The following PARP15 variants were observed in gnomAD, a reference collection of about 807,000 sequenced individuals.
PARP15 encodes the protein protein mono-ADP-ribosyltransferase PARP15.
A neutral mutation model predicts 62.1 loss-of-function variants in PARP15; 50 were observed. That is an observed-to-expected ratio of 0.81 (90% CI 0.64 to 1.02). The LOEUF is 1.02. Ranked by LOEUF, PARP15 falls within the 50% of genes least tolerant of loss-of-function variation. The pLI, the probability that PARP15 is intolerant of heterozygous loss-of-function variation, is 0.00. For synonymous variants in PARP15, 309 were observed against 293.1 expected (o/e 1.05, Z -0.55); for missense variants, 820 against 826.5 (o/e 0.99, Z 0.10).
intron 1 of PARP15, among the ~76,000 whole-genome samples, chr3:122,587,865 G>A (rs1933567962): frequency 6.6e-6 from 1 of 152,134 alleles, no homozygotes; most frequent in Admixed American, 6.5e-5. Flanking sequence ...ATGACATTGT[G>A]CATCTTTTCA....
intron 1 of PARP15, among the ~76,000 whole-genome samples, chr3:122,590,341 C>T (rs946169353): frequency 1.2e-4 from 18 of 151,556 alleles, no homozygotes; most frequent in Non-Finnish European, 2.5e-4. Context: ...GGCATGATCT[C>T]GGCTCACTGC....
At chr3:122,618,774 G>A (rs912595475) in intron 6 of PARP15, among the ~76,000 whole-genome samples, 3 of 152,086 alleles carry the variant, frequency 2.0e-5, no homozygotes, top group Non-Finnish European at 4.4e-5. Flanking sequence ...ACCAAACATC[G>A]AGTGCCCAGC....
chr3:122,591,253 G>C (rs1933883976), intron 1 of PARP15, among the ~76,000 whole-genome samples: 1 of 152,174 alleles, frequency 6.6e-6, no homozygotes, highest in South Asian at 2.1e-4. Context: ...CTTTCCAGAA[G>C]AGTGGATAAA....
rs1280255466 is a variant in PARP15 at position 122,577,798 on chromosome 3, C to G, written c.131C>G (p.Pro44Arg). Residue 44 changes from proline to arginine, a missense_variant, in exon 1 of 12, where the codon CCG (proline) becomes CGG (arginine). Around this residue, in one of 3 missense-constraint regions of PARP15, gnomAD observed 731 missense variants for 727.7 expected, o/e 1.00. Transcript: ENST00000464300. ...GRDREAGSVL[P>R]AGNRGARKAS... ...GATCGGGAGGCGGGGAGCGTGCTGC[C>G]GGCCGGGAACCGTGGGGCGCGGAAG... The G allele has an allele frequency of 2.8e-5, 44 of 1,550,828 alleles. No individual in the cohort carries two copies. Among genetic ancestry groups the G allele is most frequent in the Admixed American group, 7.9e-5 (4 of 50,944 alleles).
intron 8 of PARP15, among the ~76,000 whole-genome samples, chr3:122,625,825 T>C (rs1559988670): frequency 1.3e-5 from 2 of 152,192 alleles, no homozygotes; most frequent in South Asian, 2.1e-4. Flanking sequence ...CCTAGCTAAC[T>C]TCAAGAGGGA....
Position 122,596,354 on chromosome 3 carries a change from C to CAAAA in PARP15, c.187-9559_187-9556dup, listed in dbSNP as rs35559014. 8.1e-4 allele frequency among the ~76,000 whole-genome samples: 38 copies of CAAAA among 46,914 alleles called. 1 individual carries two copies. The highest frequency in any genetic ancestry group is 1.1e-3 in the Non-Finnish European group (29 of 27,012). The allele number at this position is 46,914 out of a possible 152,430, so 30.8% of individuals were successfully genotyped here. ...CTGGCAACAGAGCGAGACTCCATCT[C>CAAAA]AAAAAAAAAAAAAAAAAAAAAAAAA... On this transcript the variant is annotated intron_variant, in intron 1 of 11. Coordinates refer to ENST00000464300, the MANE Select transcript of PARP15 (RefSeq NM_001113523.3).
chr3:122,588,164 T>C (rs1933601881), intron 1 of PARP15, among the ~76,000 whole-genome samples: 1 of 152,154 alleles, frequency 6.6e-6, no homozygotes, highest in Non-Finnish European at 1.5e-5. Flanking sequence ...TTATAGTTGA[T>C]CATGTTAGTG....
chr3:122,626,691 A>G (rs765696426), intron 8 of PARP15, 136 bp from the exon 9 acceptor site: 62 of 713,816 alleles, frequency 8.7e-5, no homozygotes, highest in Admixed American at 1.5e-4. Flanking sequence ...AAGAACACCA[A>G]CTAGCTGTGA....
intron 10 of PARP15, among the ~76,000 whole-genome samples, chr3:122,634,238 C>T (rs1233670937): frequency 2.6e-5 from 4 of 152,178 alleles, no homozygotes; most frequent in Non-Finnish European, 5.9e-5. Context: ...ATTTTCATAG[C>T]CCCTTGTGTG....
At chr3:122,634,934 A>T in intron 10 of PARP15, 86 bp from the exon 11 acceptor site, 1 of 1,329,698 alleles carries the variant, frequency 7.5e-7, no homozygotes, top group Non-Finnish European at 1.0e-6. Context: ...CTTCTTTTTC[A>T]TATTGCTTAT....
At position 122,636,195 on chromosome 3, in the gene PARP15, T is replaced by C. The variant is rs1937363964; in HGVS notation, c.*95T>C. On this transcript the variant is annotated 3_prime_UTR_variant, in exon 12 of 12. Coordinates refer to ENST00000464300, the MANE Select transcript of PARP15 (RefSeq NM_001113523.3). ...TCTGGCCTGTGTAAGCAGATGAAAG[T>C]TTCCCTTTTAGGTGCCAAAATGCTG... is the stretch of plus-strand genomic sequence containing the variant. 1.5e-6 allele frequency: 2 copies of C among 1,322,376 alleles called. No individual in the cohort carries two copies. Among genetic ancestry groups the C allele is most frequent in the Non-Finnish European group, 2.0e-6 (2 of 977,194 alleles). 81.9% of individuals were successfully genotyped at this position (1,322,376 alleles called of 1,614,324 possible).
chr3:122,604,623 G>A (rs1464583890), intron 1 of PARP15, among the ~76,000 whole-genome samples: 1 of 152,128 alleles, frequency 6.6e-6, no homozygotes. Context: ...GGGAGGCTGA[G>A]GCGGGCAGAT....
rs1273657532 is a variant in PARP15 at position 122,636,134 on chromosome 3, C to T, written c.*34C>T. 2 of 1,566,336 alleles carry T rather than the reference C, an allele frequency of 1.3e-6. No individual in the cohort carries two copies. The highest frequency in any genetic ancestry group is 1.7e-6 in the Non-Finnish European group (2 of 1,147,220). Reference sequence around the variant, plus strand: ...TTATCATCAAAGAGATGATTTAAGTCATCTGTAAGAACAACATGCAATCTT... The same window carrying T: ...TTATCATCAAAGAGATGATTTAAGTTATCTGTAAGAACAACATGCAATCTT... On this transcript the variant is annotated 3_prime_UTR_variant, in exon 12 of 12. Coordinates refer to ENST00000464300, the MANE Select transcript of PARP15 (RefSeq NM_001113523.3).
At chr3:122,624,111 A>G (rs1936531761) in intron 8 of PARP15, among the ~76,000 whole-genome samples, 1 of 151,922 alleles carries the variant, frequency 6.6e-6, no homozygotes, top group Non-Finnish European at 1.5e-5. Context: ...AGATTGCACC[A>G]CTGCACTCCA....
intron 1 of PARP15, chr3:122,594,837 A>G (rs1934210515): frequency 1.0e-6 from 1 of 983,082 alleles, no homozygotes; most frequent in Non-Finnish European, 1.2e-6. Context: ...GACAACAACC[A>G]TTAAGATTGA....
At chr3:122,584,682 A>T (rs13093470) in intron 1 of PARP15, among the ~76,000 whole-genome samples, 18,994 of 149,510 alleles carry the variant, frequency 0.13, 1,287 homozygotes, top group East Asian at 0.22. Context: ...GGTTCAGGCG[A>T]TTCTCCTGCT....
intron 8 of PARP15, among the ~76,000 whole-genome samples, chr3:122,624,730 C>T (rs1336639626): frequency 2.6e-5 from 4 of 152,176 alleles, no homozygotes; most frequent in East Asian, 1.9e-4. Flanking sequence ...AACATTTATG[C>T]GATACAGCTA....
rs138406025 is a variant in PARP15 at position 122,604,984 on chromosome 3, C to T, written c.187-952C>T. On this transcript the variant is annotated intron_variant, in intron 1 of 11. Coordinates refer to ENST00000464300, the MANE Select transcript of PARP15 (RefSeq NM_001113523.3). ...CCGGGAGGCAGAGGTTGCAGTGAGC[C>T]GAGATCACGCTACTTCACTGCAGCC... Among the ~76,000 whole-genome samples, 908 of 152,178 alleles carry T rather than the reference C, an allele frequency of 6.0e-3. 7 individuals carry two copies. Among genetic ancestry groups the T allele is most frequent in the Non-Finnish European group, 9.6e-3 (652 of 67,994 alleles).
chr3:122,596,849 G>T (rs998173194), intron 1 of PARP15, among the ~76,000 whole-genome samples: 1 of 152,168 alleles, frequency 6.6e-6, no homozygotes, highest in Non-Finnish European at 1.5e-5. Context: ...GAGAACACTG[G>T]GGGAAAAGTC....
Sources: gnomAD v4.1 joint callset for allele counts (sites outside exome capture counted in the v4.1 genomes callset) on GRCh38, gnomAD v4.1.1 for gene constraint, gnomAD v4.1.1 regional missense constraint, MANE v1.5 for transcripts, NCBI Gene and HGNC (gene_info 2026-07-23, HGNC 2026-07-21) for gene names.